Variants in LPP observed in about 807,000 individuals in gnomAD.
LPP encodes the protein LIM domain containing preferred translocation partner in lipoma.
In LPP, 38 loss-of-function variants were observed where a neutral mutation model predicts 60.4. The ratio of observed to expected loss-of-function variants is 0.63; its 90% CI spans 0.49 to 0.83. LPP has a LOEUF of 0.83. Ranked by LOEUF, LPP falls within the 40% of genes least tolerant of loss-of-function variation. The probability of loss-of-function intolerance (pLI) is 0.00; values close to 1 mark genes in which losing one functional copy is unlikely to be tolerated. For missense variants in LPP, 902 were observed against 783.6 expected (o/e 1.15, Z -1.80); for synonymous variants, 328 against 290.8 (o/e 1.13, Z -1.30).
chr3:188,602,652 G>A (rs1030673592), intron 6 of LPP, among the ~76,000 whole-genome samples: 2 of 149,952 alleles, frequency 1.3e-5, no homozygotes, highest in African/African-American at 2.5e-5. Flanking sequence ...TAGGTACCTC[G>A]ACCCCAGTGA....
chr3:188,824,206 G>A (rs1005757177), intron 9 of LPP, among the ~76,000 whole-genome samples: 22 of 152,242 alleles, frequency 1.4e-4, no homozygotes, highest in Admixed American at 1.3e-3. Flanking sequence ...CATTCGGGTG[G>A]CGTGAGATTT....
chr3:188,297,538 A>C (rs1748340347), intron 2 of LPP, among the ~76,000 whole-genome samples: 1 of 152,242 alleles, frequency 6.6e-6, no homozygotes, highest in South Asian at 2.1e-4. Flanking sequence ...TGTTGCTTAA[A>C]GAAAACAAAA....
chr3:188,828,779 C>T (rs1203539439), intron 9 of LPP, among the ~76,000 whole-genome samples: 1 of 151,918 alleles, frequency 6.6e-6, no homozygotes, highest in Non-Finnish European at 1.5e-5. Context: ...AATGAGATGA[C>T]ACATGTAACA....
In LPP at chr3:188,461,362, A is replaced by G. The variant is rs190109517; in HGVS notation, c.194-23230A>G. On this transcript the variant is annotated intron_variant, in intron 4 of 11. Transcript: ENST00000617246. ...ATTAAAAGGCAATAAATAACTTCTG[A>G]CAAAAGAAAATAGAAGCCATGTTCT... 3.0e-4 allele frequency among the ~76,000 whole-genome samples: 46 copies of G among 152,344 alleles called. No homozygotes were observed. The East Asian group carries it at 6.2e-3, about 20-fold the overall frequency.
At chr3:188,585,484 A>G (rs565333142) in intron 6 of LPP, among the ~76,000 whole-genome samples, 32 of 152,250 alleles carry the variant, frequency 2.1e-4, no homozygotes, top group African/African-American at 7.7e-4. Context: ...TTTTCTCACA[A>G]CTCTGACAGC....
intron 9 of LPP, among the ~76,000 whole-genome samples, chr3:188,766,668 C>A (rs971214627): frequency 6.6e-6 from 1 of 152,180 alleles, no homozygotes; most frequent in Non-Finnish European, 1.5e-5. Flanking sequence ...CACTGGAAAT[C>A]CCATTTGCTG....
intron 7 of LPP, among the ~76,000 whole-genome samples, chr3:188,687,508 C>T (rs955047298): frequency 6.6e-6 from 1 of 152,108 alleles, no homozygotes; most frequent in African/African-American, 2.4e-5. Flanking sequence ...CTTGCTCTTG[C>T]TCGCTTCTCC....
rs10545824 is a variant in LPP, at chr3:188,388,966, AAG to A, written c.-9-17143_-9-17142del. Among the ~76,000 whole-genome samples, 666 of 152,320 alleles carry A rather than the reference AAG, an allele frequency of 4.4e-3. 9 individuals are homozygous for A. The highest frequency in any genetic ancestry group is 0.015 in the African/African-American group (613 of 41,564). ...AATAGAGAATATGTAGGTTTATAGG[AAG>A]AGTCATAATATTGTGAATGTTAATT... On this transcript the variant is annotated intron_variant, in intron 3 of 11. Coordinates refer to ENST00000617246, the MANE Select transcript of LPP (RefSeq NM_001375462.1).
In LPP at chr3:188,879,436, A is replaced by C; in HGVS notation, c.*4957A>C. 4.7e-6 allele frequency: 1 copy of C among 210,632 alleles called. No individual in the cohort carries two copies. The allele number at this position is 210,632 out of a possible 1,614,324, so 13.0% of individuals were successfully genotyped here. ...CCAGAAAATATATGTGGCATCCATA[A>C]AATCTTCTTTTATAGGGGCATATTT... On this transcript the variant is annotated 3_prime_UTR_variant, in exon 12 of 12. Transcript: ENST00000617246.
chr3:188,475,314 T>C (rs1802866794), intron 4 of LPP, among the ~76,000 whole-genome samples: 1 of 152,248 alleles, frequency 6.6e-6, no homozygotes, highest in African/African-American at 2.4e-5. Flanking sequence ...TTTAGAAAGA[T>C]GACAGGGACA....
At chr3:188,381,865 C>T (rs1483309193) in intron 3 of LPP, among the ~76,000 whole-genome samples, 1 of 151,978 alleles carries the variant, frequency 6.6e-6, no homozygotes, top group Non-Finnish European at 1.5e-5. Flanking sequence ...TGCTCTATTG[C>T]CCATGTTCCA....
chr3:188,411,741 C>T (rs1784932219), intron 4 of LPP, among the ~76,000 whole-genome samples: 1 of 152,122 alleles, frequency 6.6e-6, no homozygotes, highest in Non-Finnish European at 1.5e-5. Context: ...AAAACAACAA[C>T]AGCAATTAAA....
intron 7 of LPP, among the ~76,000 whole-genome samples, chr3:188,613,316 A>ATATCTATATCTATATCTATATG (rs1560644220): frequency 3.6e-5 from 2 of 55,030 alleles, no homozygotes; most frequent in African/African-American, 1.0e-4. Flanking sequence ...ATATCTATAT[A>ATATCTATATCTATATCTATATG]TATCGCTGTG....
At chr3:188,319,037 C>G (rs1281828590) in intron 2 of LPP, among the ~76,000 whole-genome samples, 1 of 152,088 alleles carries the variant, frequency 6.6e-6, no homozygotes, top group Admixed American at 6.5e-5. Flanking sequence ...GGATTACAGG[C>G]GTGAGCCACC....
chr3:188,406,662 C>T (rs1046176989), intron 4 of LPP, among the ~76,000 whole-genome samples: 9 of 152,206 alleles, frequency 5.9e-5, no homozygotes, highest in African/African-American at 2.2e-4. Context: ...TCATCCCTCC[C>T]TCTTGCCGTT....
At chr3:188,695,291 A>G (rs542575570) in intron 7 of LPP, among the ~76,000 whole-genome samples, 13 of 152,320 alleles carry the variant, frequency 8.5e-5, no homozygotes, top group Admixed American at 7.8e-4. Context: ...TATGACTACT[A>G]TTATTTTAAT....
intron 2 of LPP, among the ~76,000 whole-genome samples, chr3:188,269,033 G>T (rs145715614): frequency 5.5e-4 from 83 of 152,288 alleles, no homozygotes; most frequent in Non-Finnish European, 1.1e-3. Context: ...GCCTCCAGGG[G>T]TCTATCAGTA....
intron 2 of LPP, among the ~76,000 whole-genome samples, chr3:188,302,620 G>C (rs2150161080): frequency 6.6e-6 from 1 of 152,284 alleles, no homozygotes; most frequent in African/African-American, 2.4e-5. Context: ...TAGGCAGCTT[G>C]ATCCAGAAGA....
intron 4 of LPP, among the ~76,000 whole-genome samples, chr3:188,428,277 A>T (rs1382354632): frequency 6.6e-6 from 1 of 152,128 alleles, no homozygotes; most frequent in Non-Finnish European, 1.5e-5. Context: ...AGATAAGCTG[A>T]GTACTTCAGT....
Sources: allele counts gnomAD v4.1 joint callset (sites outside exome capture counted in the v4.1 genomes callset), GRCh38; gene constraint gnomAD v4.1.1; transcripts MANE v1.5; gene names NCBI Gene and HGNC (gene_info 2026-07-23, HGNC 2026-07-21).